The following CDK5RAP2 variants were observed in gnomAD, a reference collection of about 807,000 sequenced individuals.
CDK5RAP2 encodes CDK5 regulatory subunit-associated protein 2.
In CDK5RAP2, 147 loss-of-function variants were observed where a neutral mutation model predicts 232.9. That is an observed-to-expected ratio of 0.63 (90% CI 0.55 to 0.72). CDK5RAP2 has a LOEUF of 0.72. Ranked by LOEUF, CDK5RAP2 falls within the 30% of genes least tolerant of loss-of-function variation. The pLI is 0.00. For synonymous variants in CDK5RAP2, 833 were observed against 833.7 expected, an observed-to-expected ratio of 1.00 and a Z score of 0.01; for missense variants, 2,195 against 2,231.5, an observed-to-expected ratio of 0.98 and a Z score of 0.33.
intron 36 of CDK5RAP2, among the ~76,000 whole-genome samples, chr9:120,391,301 C>T (rs1020753428): frequency 1.3e-5 from 2 of 152,170 alleles, no homozygotes; most frequent in African/African-American, 2.4e-5. Flanking sequence ...TACACCTCAA[C>T]AGCACTGCCA....
Position 120,439,539 on chromosome 9 carries a change from A to C in CDK5RAP2, c.3582T>G (p.Ile1194Met). The C allele has an allele frequency of 6.2e-7, 1 of 1,614,166 alleles. No homozygotes were observed. Residue 1194 changes from isoleucine to methionine, a missense_variant, in exon 24 of 38, where the codon ATT (isoleucine) becomes ATG (methionine). By Grantham distance (10) the Ile-to-Met change is conservative. Transcript: ENST00000349780. ...KILGPLAPEM[I>M]DSRVLENLKQ... is the part of the protein sequence containing the mutation. ...TGAGGTTCTCCAGCACCCTGCTGTC[A>C]ATCATCTCTGGGGCCAGCGGACCGA...
At chr9:120,559,880 C>T (rs2132120090) in intron 3 of CDK5RAP2, among the ~76,000 whole-genome samples, 2 of 152,286 alleles carry the variant, frequency 1.3e-5, no homozygotes, top group South Asian at 4.1e-4. Context: ...ATTCTGGGTT[C>T]CTCCTACTCC....
chr9:120,444,179 C>T (rs545914132), intron 22 of CDK5RAP2, among the ~76,000 whole-genome samples: 21 of 152,290 alleles, frequency 1.4e-4, no homozygotes, highest in African/African-American at 4.8e-4. Flanking sequence ...TTCGGGAGGC[C>T]GAGGCAGGGG....
intron 1 of CDK5RAP2, among the ~76,000 whole-genome samples, chr9:120,578,692 G>C (rs1031140009): frequency 2.0e-5 from 3 of 151,200 alleles, no homozygotes; most frequent in Non-Finnish European, 4.4e-5. Context: ...TCAGCCTCCC[G>C]AGCGGCTGGG....
At chr9:120,460,775 G>T in intron 18 of CDK5RAP2, 108 bp from the exon 19 acceptor site, 1 of 1,532,660 alleles carries the variant, frequency 6.5e-7, no homozygotes, top group Non-Finnish European at 8.8e-7. Context: ...AAAACAAAAA[G>T]CAAACAAAAA....
In CDK5RAP2 at chr9:120,403,042, C is replaced by G; in HGVS notation, c.5071G>C (p.Asp1691His). The G allele has an allele frequency of 6.2e-7, 1 of 1,614,158 alleles. No individual in the cohort carries two copies. Among genetic ancestry groups the G allele is most frequent in the South Asian group, 1.1e-5 (1 of 91,060 alleles). ...CTGTCGCAGGAGAGGGAGTCCGTGTCATTCCCAGAGAGTGGAGGAGTCTCT... is the reference window on the plus strand; with the variant it reads ...CTGTCGCAGGAGAGGGAGTCCGTGTGATTCCCAGAGAGTGGAGGAGTCTCT... The part of the protein sequence containing the change: ...VSETPPLSGN[D>H]TDSLSCDSGS... Residue 1691 changes from aspartate to histidine, a missense_variant, in exon 34 of 38, where the codon GAC (aspartate) becomes CAC (histidine). Transcript: ENST00000349780. This position sits in a 1 kb window ranked among gnomAD's most constrained non-coding sequence, Gnocchi z 4.2.
Position 120,456,848 on chromosome 9 carries a change from T to C in CDK5RAP2, c.2375+1602A>G, listed in dbSNP as rs372452596. 8.1e-4 allele frequency among the ~76,000 whole-genome samples: 123 copies of C among 152,308 alleles called. 3 individuals carry two copies. The South Asian group carries it at 0.025, about 31-fold the overall frequency. ...AAGGTGGTGAAAGAGGCCATTATAA[T>C]ATACTAAAGTGGTGGTGCTACTAAA... On this transcript the variant is annotated intron_variant, in intron 20 of 37. Transcript: ENST00000349780.
chr9:120,518,380 C>A, intron 12 of CDK5RAP2, 47 bp downstream of exon 12: 2 of 1,500,594 alleles, frequency 1.3e-6, no homozygotes, highest in East Asian at 4.5e-5. Flanking sequence ...AGCCACATAG[C>A]CCCAAAAGCA....
intron 25 of CDK5RAP2, among the ~76,000 whole-genome samples, chr9:120,434,480 A>G (rs2035461207): frequency 6.6e-6 from 1 of 152,188 alleles, no homozygotes; most frequent in Admixed American, 6.5e-5. Flanking sequence ...TCTGACTTAC[A>G]TTTTTAAAAG....
In CDK5RAP2 at chr9:120,389,782, C is replaced by T. The variant is rs147082653; in HGVS notation, c.5584G>A (p.Val1862Ile). Residue 1862 changes from valine (V) to isoleucine (I), a missense_variant, in exon 37 of 38, where the codon GTA (valine) becomes ATA (isoleucine). Physicochemically the swap from Val to Ile is conservative, Grantham distance 29 (BLOSUM62 3). Transcript: ENST00000349780. ...QEKVIFDQLV[V>I]THKILRKARG... is the part of the protein sequence containing the mutation. ...GCCTTCCGAAGGATTTTGTGGGTTA[C>T]GACCACTGAGGAGAGAGCAAAGAAT... The T allele has an allele frequency of 7.6e-5, 123 of 1,613,994 alleles. No individual in the cohort carries two copies. In the African/African-American group the frequency reaches 8.0e-4, roughly 10 times the overall value.
At chr9:120,396,796 T>C (rs1211125712) in intron 35 of CDK5RAP2, among the ~76,000 whole-genome samples, 1 of 152,224 alleles carries the variant, frequency 6.6e-6, no homozygotes, top group East Asian at 1.9e-4. Context: ...ACAGGGAATT[T>C]TAATTGTTTA....
chr9:120,422,590 GAAAC>G, intron 26 of CDK5RAP2, 99 bp downstream of exon 26: 1 of 857,288 alleles, frequency 1.2e-6, no homozygotes, highest in Non-Finnish European at 2.0e-6. Context: ...CAAGAAGCAG[GAAAC>G]AAACAGAATG....
chr9:120,478,772 C>A (rs1425325903), intron 14 of CDK5RAP2, among the ~76,000 whole-genome samples: 1 of 151,990 alleles, frequency 6.6e-6, no homozygotes, highest in Non-Finnish European at 1.5e-5. Flanking sequence ...CAGAGCAAGA[C>A]CCTGAAATAA....
intron 15 of CDK5RAP2, among the ~76,000 whole-genome samples, chr9:120,476,451 G>A (rs1169468246): frequency 6.6e-6 from 1 of 151,862 alleles, no homozygotes; most frequent in Non-Finnish European, 1.5e-5. Flanking sequence ...AGGCGGAGGT[G>A]GGTGGATCCT....
rs772306434 is a variant in CDK5RAP2 at position 120,453,921 on chromosome 9, G to C, written c.2376-48C>G. On this transcript the variant is annotated intron_variant, in intron 20 of 37. Transcript: ENST00000349780. The stretch of plus-strand genomic sequence containing the variant: ...AGTGGGAGAACCAAGCTTTCTGCTA[G>C]GCCTTGTCCCCTAGCCAGTATCCCA... 8 of 1,591,820 alleles carry C rather than the reference G, an allele frequency of 5.0e-6. No homozygotes were observed. In the South Asian group the frequency reaches 6.6e-5, roughly 13 times the overall value.
chr9:120,561,473 T>C (rs1329409155), intron 3 of CDK5RAP2, among the ~76,000 whole-genome samples: 1 of 151,778 alleles, frequency 6.6e-6, no homozygotes, highest in Non-Finnish European at 1.5e-5. Context: ...ACTTTTTAAT[T>C]TTTTTTTGTA....
At chr9:120,555,294 G>A (rs2042186364) in intron 3 of CDK5RAP2, among the ~76,000 whole-genome samples, 1 of 152,018 alleles carries the variant, frequency 6.6e-6, no homozygotes. Context: ...ACCACGCTCG[G>A]CTAAGTTTTT....
chr9:120,514,194 C>G (rs868332500), intron 12 of CDK5RAP2, among the ~76,000 whole-genome samples: 1 of 152,194 alleles, frequency 6.6e-6, no homozygotes. Flanking sequence ...AAGGTAGTCA[C>G]GATGAGATGC....
intron 31 of CDK5RAP2, 73 bp downstream of exon 31, chr9:120,408,274 T>C: frequency 1.3e-6 from 2 of 1,584,366 alleles, no homozygotes; most frequent in Non-Finnish European, 8.6e-7. Flanking sequence ...TGCCCTCCTG[T>C]GCCTACAGCC....
Sources: allele counts gnomAD v4.1 joint callset (sites outside exome capture counted in the v4.1 genomes callset), GRCh38; gene constraint gnomAD v4.1.1; non-coding constraint Gnocchi (gnomAD v3.1); transcripts MANE v1.5; gene names NCBI Gene and HGNC (gene_info 2026-07-23, HGNC 2026-07-21).